Variants in SPATA6 observed in about 807,000 individuals in gnomAD.
The protein encoded by SPATA6 is spermatogenesis associated 6.
SPATA6 carries 56 observed loss-of-function variants against 65.3 expected under a neutral mutation model. The ratio of observed to expected loss-of-function variants is 0.86; its 90% confidence interval spans 0.69 to 1.07. The LOEUF is 1.07. SPATA6 is among the 50% of genes least tolerant of loss of function. The pLI is 0.00. For missense variants in SPATA6, 590 were observed against 594.8 expected (o/e 0.99, Z 0.08); for synonymous variants, 199 against 213.2 (o/e 0.93, Z 0.58).
intron 9 of SPATA6, among the ~76,000 whole-genome samples, chr1:48,367,817 G>A (rs1472377254): frequency 1.3e-5 from 2 of 152,106 alleles, no homozygotes; most frequent in Admixed American, 6.6e-5. Context: ...ATATTGTTAT[G>A]TGTGAATTTG....
the SPATA6 span, among the ~76,000 whole-genome samples, chr1:48,268,180 G>GTGGA: frequency 1.3e-5 from 2 of 152,050 alleles, no homozygotes; most frequent in Non-Finnish European, 2.9e-5. Flanking sequence ...AGGTCCAAGG[G>GTGGA]TGGAGCCCTT....
intron 1 of SPATA6, among the ~76,000 whole-genome samples, chr1:48,467,801 T>G (rs886482386): frequency 6.6e-6 from 1 of 152,148 alleles, no homozygotes; most frequent in East Asian, 1.9e-4. Flanking sequence ...GCTTACCATC[T>G]CTAATCATCA....
the SPATA6 span, among the ~76,000 whole-genome samples, chr1:48,269,180 T>A: frequency 6.6e-6 from 1 of 152,288 alleles, no homozygotes; most frequent in Non-Finnish European, 1.5e-5. Flanking sequence ...CTATACGTAT[T>A]CAAATAGCCC....
chr1:48,335,177 G>A (rs1349707840), intron 11 of SPATA6, among the ~76,000 whole-genome samples: 1 of 151,918 alleles, frequency 6.6e-6, no homozygotes, highest in Non-Finnish European at 1.5e-5. Context: ...TGGATAGGAA[G>A]AATAAATATC....
intron 3 of SPATA6, among the ~76,000 whole-genome samples, chr1:48,426,756 T>C (rs1382104438): frequency 1.3e-5 from 2 of 151,946 alleles, no homozygotes; most frequent in Admixed American, 6.6e-5. Context: ...ATTCCTACAA[T>C]GACAGCAGCC....
Position 48,403,835 on chromosome 1 carries a change from T to A in SPATA6, c.453A>T (p.Glu151Asp). 1 of 1,610,528 alleles carries A rather than the reference T, an allele frequency of 6.2e-7. No individual in the cohort carries two copies. The highest frequency in any genetic ancestry group is 1.1e-5 in the South Asian group (1 of 90,462). The change falls in exon 6 of 13, where the codon GAA (glutamate) becomes GAT (aspartate). Residue 151 changes from glutamate to aspartate, a missense_variant. Coordinates refer to ENST00000371847, the MANE Select transcript of SPATA6 (RefSeq NM_019073.4). Reference protein sequence around the residue: ...LEFSTTSVITECLISSRKCHT... With the variant: ...LEFSTTSVITDCLISSRKCHT... Reference sequence around the variant, plus strand: ...GGCATTTCCTTGAACTTATCAGACATTCAGTAATCACTGAAGTCGTAGAAA... The same window carrying A: ...GGCATTTCCTTGAACTTATCAGACAATCAGTAATCACTGAAGTCGTAGAAA...
chr1:48,374,061 T>C (rs1647607642), intron 9 of SPATA6, among the ~76,000 whole-genome samples: 1 of 152,168 alleles, frequency 6.6e-6, no homozygotes, highest in Non-Finnish European at 1.5e-5. Flanking sequence ...GGCTTAGAAG[T>C]ATGGGAAAGT....
intron 3 of SPATA6, among the ~76,000 whole-genome samples, chr1:48,450,058 G>C (rs1037777119): frequency 2.0e-5 from 3 of 151,734 alleles, no homozygotes; most frequent in Non-Finnish European, 4.4e-5. Flanking sequence ...AACTGAAAAA[G>C]ACTGCAAAAC....
At chr1:48,382,675 A>C (rs2147846367) in intron 9 of SPATA6, among the ~76,000 whole-genome samples, 1 of 51,126 alleles carries the variant, frequency 2.0e-5, no homozygotes, top group Non-Finnish European at 3.7e-5. Flanking sequence ...CTGGCCGGGC[A>C]GAGGGGCTCC....
chr1:48,325,450 C>T, intron 11 of SPATA6: 6 of 1,240,096 alleles, frequency 4.8e-6, no homozygotes, highest in South Asian at 4.8e-5. Context: ...GCAGTTTGCA[C>T]TATGTTCCTG....
chr1:48,464,911 A>C (rs995095663), intron 1 of SPATA6, among the ~76,000 whole-genome samples: 3 of 152,216 alleles, frequency 2.0e-5, no homozygotes, highest in African/African-American at 4.8e-5. Context: ...TTAAAAAATC[A>C]ATAACGCAAT....
chr1:48,380,749 T>C (rs539644026), intron 9 of SPATA6, among the ~76,000 whole-genome samples: 2 of 152,324 alleles, frequency 1.3e-5, no homozygotes, highest in Non-Finnish European at 2.9e-5. Flanking sequence ...CAAATACCAA[T>C]GTGCATGTGT....
intron 3 of SPATA6, among the ~76,000 whole-genome samples, chr1:48,450,071 T>G (rs1656423609): frequency 6.6e-6 from 1 of 151,414 alleles, no homozygotes; most frequent in South Asian, 2.1e-4. Flanking sequence ...TGCAAAACAG[T>G]ACAGTAAGGG....
intron 5 of SPATA6, among the ~76,000 whole-genome samples, chr1:48,408,171 A>G (rs1007898217): frequency 6.6e-6 from 1 of 152,102 alleles, no homozygotes; most frequent in Non-Finnish European, 1.5e-5. Context: ...AGGAGAAATT[A>G]CTTAGTTAAC....
intron 3 of SPATA6, chr1:48,437,113 C>G: frequency 2.5e-6 from 4 of 1,597,658 alleles, no homozygotes; most frequent in Non-Finnish European, 3.4e-6. Context: ...AATACTTTCA[C>G]GGTTGCCTCC....
intron 11 of SPATA6, among the ~76,000 whole-genome samples, chr1:48,319,034 A>G (rs1237007541): frequency 6.6e-6 from 1 of 152,218 alleles, no homozygotes; most frequent in African/African-American, 2.4e-5. Flanking sequence ...TCTTTTTAAG[A>G]AATGGTGCTG....
chr1:48,390,706 T>G (rs1263043396), intron 8 of SPATA6, among the ~76,000 whole-genome samples: 1 of 152,206 alleles, frequency 6.6e-6, no homozygotes, highest in Non-Finnish European at 1.5e-5. Context: ...TGTATCAATT[T>G]TTAGAACAGA....
chr1:48,327,576 C>G (rs1298801080), intron 11 of SPATA6, among the ~76,000 whole-genome samples: 1 of 152,024 alleles, frequency 6.6e-6, no homozygotes, highest in African/African-American at 2.4e-5. Context: ...TTGATAATAA[C>G]CAAGTCATGG....
At chr1:48,442,719 A>T (rs1159524111) in intron 3 of SPATA6, among the ~76,000 whole-genome samples, 1 of 46,054 alleles carries the variant, frequency 2.2e-5, no homozygotes. Context: ...GGAAGTAGTA[A>T]AAAAAAAAAA....
Sources: allele counts gnomAD v4.1 joint callset (sites outside exome capture counted in the v4.1 genomes callset), GRCh38; gene constraint gnomAD v4.1.1; transcripts MANE v1.5; gene names NCBI Gene and HGNC (gene_info 2026-07-23, HGNC 2026-07-21).